ALDH18A1: variants seen among roughly 807,000 people sequenced by gnomAD.
ALDH18A1 encodes delta-1-pyrroline-5-carboxylate synthase.
Under a neutral mutation model 88.8 loss-of-function variants are expected in ALDH18A1, and 44 were observed. That is an observed-to-expected ratio of 0.50 (90% CI 0.39 to 0.64). The LOEUF (loss-of-function observed/expected upper bound fraction) is 0.64. ALDH18A1 is among the 30% of genes least tolerant of loss of function. The pLI is 0.00. For missense variants in ALDH18A1, 782 were observed against 1,009.5 expected (o/e 0.77, Z 3.05); for synonymous variants, 331 against 372.1 (o/e 0.89, Z 1.27).
intron 2 of ALDH18A1, among the ~76,000 whole-genome samples, chr10:95,649,054 A>C (rs1338515778): frequency 6.6e-6 from 1 of 152,238 alleles, no homozygotes; most frequent in Non-Finnish European, 1.5e-5. Flanking sequence ...TCATCTTGCA[A>C]TGAAGCTTGG....
intron 17 of ALDH18A1, 116 bp from the exon 18 acceptor site, chr10:95,607,059 C>G (rs2097824107): frequency 2.9e-6 from 3 of 1,019,684 alleles, no homozygotes; most frequent in Non-Finnish European, 3.1e-6. Context: ...CTGCTAACTC[C>G]TCATCCATCC....
At position 95,621,224 on chromosome 10, in the gene ALDH18A1, C is replaced by G. The variant is rs1413173287; in HGVS notation, c.1274G>C (p.Arg425Pro). ...CAATTTGGATGTGGAGAGGCTTAAACGTTTCAGCAGAGGAGCTGCAAGTCT... is the reference window on the plus strand; with the variant it reads ...CAATTTGGATGTGGAGAGGCTTAAAGGTTTCAGCAGAGGAGCTGCAAGTCT... ...EGRLAAPLLKRLSLSTSKLNS... is the reference protein window; with the variant it reads ...EGRLAAPLLKPLSLSTSKLNS... The change falls in exon 12 of 18, where the codon CGT (arginine) becomes CCT (proline). Residue 425 changes from arginine (R) to proline (P), a missense_variant. Arg to Pro is a moderately radical substitution (Grantham distance 103). Around this residue, in one of 3 missense-constraint regions of ALDH18A1, gnomAD observed 556 missense variants for 654.5 expected, o/e 0.85. Coordinates refer to ENST00000371224, the MANE Select transcript of ALDH18A1 (RefSeq NM_002860.4). 1.9e-6 allele frequency: 3 copies of G among 1,613,190 alleles called. No individual in the cohort carries two copies. The highest frequency in any genetic ancestry group is 2.5e-6 in the Non-Finnish European group (3 of 1,179,786).
chr10:95,613,439 T>TGA lies in ALDH18A1; in HGVS notation c.1923+302_1923+303insTC, dbSNP rs68097195. On this transcript the variant is annotated intron_variant, in intron 15 of 17. Coordinates refer to ENST00000371224, the MANE Select transcript of ALDH18A1 (RefSeq NM_002860.4). Reference sequence around the variant, plus strand: ...AATATATGCTTGGGAACACCTTGCATATATAAGGTTGCCAGAAACAGTTCA... The same window carrying TGA: ...AATATATGCTTGGGAACACCTTGCATGAATATAAGGTTGCCAGAAACAGTTCA... Among the ~76,000 whole-genome samples, 63,824 of 152,010 alleles carry TGA rather than the reference T, an allele frequency of 0.42. 15,279 individuals carry two copies. The highest frequency in any genetic ancestry group is 0.54 in the Non-Finnish European group (36,487 of 67,918).
At position 95,620,905 on chromosome 10, in the gene ALDH18A1, G is replaced by A. The variant is rs507017; in HGVS notation, c.1467+126C>T. 0.33 allele frequency: 307,008 copies of A among 928,308 alleles called. 54,270 individuals are homozygous for A. The highest frequency in any genetic ancestry group is 0.65 in the East Asian group (24,447 of 37,570). The allele number at this position is 928,308 out of a possible 1,614,324, so 57.5% of individuals were successfully genotyped here. ...GTATACCTATGTAACAAACCTGCAC[G>A]TTGTGCACATGTACCCTAGAACTTA... is the stretch of plus-strand genomic sequence containing the variant. On this transcript the variant is annotated intron_variant, in intron 12 of 17. Coordinates refer to ENST00000371224, the MANE Select transcript of ALDH18A1 (RefSeq NM_002860.4).
intron 7 of ALDH18A1, 98 bp from the exon 8 acceptor site, chr10:95,628,590 T>C (rs2097863717): frequency 2.7e-5 from 39 of 1,452,156 alleles, no homozygotes; most frequent in Non-Finnish European, 3.2e-5. Flanking sequence ...ACTTTACTCA[T>C]CCAAATGAAT....
chr10:95,644,562 T>C (rs2097897723), intron 2 of ALDH18A1, among the ~76,000 whole-genome samples: 1 of 152,222 alleles, frequency 6.6e-6, no homozygotes, highest in Admixed American at 6.5e-5. Flanking sequence ...ATACTTCTTA[T>C]GGGCCCAACA....
At position 95,628,397 on chromosome 10, in the gene ALDH18A1, T is replaced by C; in HGVS notation, c.904A>G (p.Arg302Gly). ...QQSVTFGTKSRVGMGGMEAKV... is the reference protein window; with the variant it reads ...QQSVTFGTKSGVGMGGMEAKV... ...GCTTCCATGCCACCCATTCCCACTC[T>C]AGACTTGGTTCCAAATGTCACAGAC... Residue 302 changes from arginine to glycine, a missense_variant, in exon 8 of 18, where the codon AGA (arginine) becomes GGA (glycine). Coordinates refer to ENST00000371224, the MANE Select transcript of ALDH18A1 (RefSeq NM_002860.4). The C allele has an allele frequency of 1.2e-6, 2 of 1,614,174 alleles. No individual in the cohort carries two copies. Among genetic ancestry groups the C allele is most frequent in the Non-Finnish European group, 1.7e-6 (2 of 1,179,988 alleles).
intron 2 of ALDH18A1, among the ~76,000 whole-genome samples, chr10:95,647,210 A>G (rs1227350133): frequency 1.3e-5 from 2 of 152,234 alleles, no homozygotes; most frequent in Non-Finnish European, 2.9e-5. Flanking sequence ...ATCAATAAAA[A>G]TACTGAAGTG....
intron 2 of ALDH18A1, among the ~76,000 whole-genome samples, chr10:95,645,953 T>C (rs2097900658): frequency 6.6e-6 from 1 of 152,220 alleles, no homozygotes; most frequent in Non-Finnish European, 1.5e-5. Context: ...AAGCAATATG[T>C]ACAACTAAGT....
chr10:95,632,646 G>A (rs891895332), intron 7 of ALDH18A1, among the ~76,000 whole-genome samples: 19 of 152,186 alleles, frequency 1.2e-4, no homozygotes, highest in Admixed American at 2.6e-4. Context: ...TTATAGGTGT[G>A]AGCCACCACG....
At chr10:95,635,887 C>T (rs1225644028) in intron 5 of ALDH18A1, among the ~76,000 whole-genome samples, 2 of 152,178 alleles carry the variant, frequency 1.3e-5, no homozygotes, top group African/African-American at 4.8e-5. Flanking sequence ...CCTCACCTGG[C>T]TCCAGGCACT....
chr10:95,632,840 G>A, intron 7 of ALDH18A1, 119 bp downstream of exon 7: 1 of 862,920 alleles, frequency 1.2e-6, no homozygotes. Flanking sequence ...AGAACATATG[G>A]CTAATGATCT....
Position 95,630,230 on chromosome 10 carries a change from C to T in ALDH18A1, c.809-1738G>A, listed in dbSNP as rs2097866600. On this transcript the variant is annotated intron_variant, in intron 7 of 17. Coordinates refer to ENST00000371224, the MANE Select transcript of ALDH18A1 (RefSeq NM_002860.4). ...GGCTCAAGTGATCTTACTGCCTCAG[C>T]CCTCCCAAGTAGCTGGGATTACAGG... 2.6e-5 allele frequency among the ~76,000 whole-genome samples: 4 copies of T among 152,282 alleles called. 1 individual carries two copies. Among genetic ancestry groups the T allele is most frequent in the Admixed American group, 2.6e-4 (4 of 15,294 alleles).
rs1240317322 is a variant in ALDH18A1, at chr10:95,637,268, G to A, written c.453+19C>T. 1 of 1,614,224 alleles carries A rather than the reference G, an allele frequency of 6.2e-7. No homozygotes were observed. Among genetic ancestry groups the A allele is most frequent in the Admixed American group, 1.7e-5 (1 of 60,024 alleles). On this transcript the variant is annotated intron_variant, in intron 4 of 17. Transcript: ENST00000371224. Reference sequence around the variant, plus strand: ...AAGACCTGAAGATCCATTTCAATGTGTGGGGAAGCAGCACTCACCATTTCT... The same window carrying A: ...AAGACCTGAAGATCCATTTCAATGTATGGGGAAGCAGCACTCACCATTTCT...
At chr10:95,622,832 C>T (rs192053953) in intron 11 of ALDH18A1, among the ~76,000 whole-genome samples, 182 of 152,132 alleles carry the variant, frequency 1.2e-3, no homozygotes, top group African/African-American at 4.3e-3. Flanking sequence ...ACACCGCACC[C>T]GGCCCAGAAT....
At chr10:95,630,755 C>CAAA (rs1470112933) in intron 7 of ALDH18A1, among the ~76,000 whole-genome samples, 1 of 152,050 alleles carries the variant, frequency 6.6e-6, no homozygotes, top group Non-Finnish European at 1.5e-5. Context: ...GTTGATGAAC[C>CAAA]AAAATGCCTT....
chr10:95,618,191 G>A (rs2097846938), intron 12 of ALDH18A1, among the ~76,000 whole-genome samples: 1 of 152,174 alleles, frequency 6.6e-6, no homozygotes, highest in Admixed American at 6.5e-5. Context: ...CTGGGAGGCA[G>A]TTTAGGGTAA....
chr10:95,632,375 T>G (rs1355859370), intron 7 of ALDH18A1, among the ~76,000 whole-genome samples: 2 of 152,222 alleles, frequency 1.3e-5, no homozygotes, highest in Non-Finnish European at 2.9e-5. Flanking sequence ...TATTTATTTA[T>G]TTATTTTTGA....
At chr10:95,610,395 A>C in intron 16 of ALDH18A1, 103 bp from the exon 17 acceptor site, 5 of 1,041,870 alleles carry the variant, frequency 4.8e-6, no homozygotes, top group Non-Finnish European at 4.4e-6. Context: ...CTGGGTCCCC[A>C]CTGGGGCCTC....
Sources: gnomAD v4.1 joint callset for allele counts (sites outside exome capture counted in the v4.1 genomes callset) on GRCh38, gnomAD v4.1.1 for gene constraint, gnomAD v4.1.1 regional missense constraint, MANE v1.5 for transcripts, NCBI Gene and HGNC (gene_info 2026-07-23, HGNC 2026-07-21) for gene names.